Variants in ZFX observed in about 807,000 individuals in gnomAD.
The protein encoded by ZFX is zinc finger protein X-linked.
For synonymous variants in ZFX, 196 were observed against 226.8 expected, an observed-to-expected ratio of 0.86 and a Z score of 1.22; for missense variants, 362 against 628.3, an observed-to-expected ratio of 0.58 and a Z score of 4.53.
intron 5 of ZFX, among the ~76,000 whole-genome samples, chrX:24,199,912 C>T (rs1047581545): frequency 3.8e-5 from 4 of 104,994 alleles, no homozygotes; most frequent in Non-Finnish European, 7.8e-5. Flanking sequence ...AGCGAAACTC[C>T]GTCTCAAAAA....
chrX:24,179,894 ATTG>A (rs1323415750), intron 5 of ZFX, 124 bp downstream of exon 5: 1 of 645,374 alleles, frequency 1.5e-6, no homozygotes, highest in East Asian at 3.3e-5. Context: ...ACCTACCTGC[ATTG>A]TTGTTTCCAT....
At chrX:24,169,094 G>T (rs780479848) in intron 3 of ZFX, among the ~76,000 whole-genome samples, 1 of 111,560 alleles carries the variant, frequency 9.0e-6, no homozygotes, top group East Asian at 2.8e-4. Flanking sequence ...TCTAACTCCA[G>T]AGGGGTTACA....
intron 5 of ZFX, among the ~76,000 whole-genome samples, chrX:24,184,710 T>G (rs1935960252): frequency 9.0e-6 from 1 of 111,298 alleles, no homozygotes; most frequent in African/African-American, 3.3e-5. Context: ...AAATGGCTAT[T>G]AGTGTATTTT....
intron 4 of ZFX, chrX:24,177,879 T>A (rs1013395886): frequency 1.3e-6 from 1 of 743,450 alleles, no homozygotes; most frequent in East Asian, 1.5e-4. Context: ...AAAACACATA[T>A]AATGAAGGAA....
In ZFX at chrX:24,182,359, A is replaced by G. The variant is rs184280504; in HGVS notation, c.646+2589A>G. ...GTCTCCAGAGCATGCTTGTCGAGTG[A>G]GAGTGTCAAGTATGGCTCCTTTAGG... On this transcript the variant is annotated intron_variant, in intron 5 of 9. Transcript: ENST00000304543. Among the ~76,000 whole-genome samples, 4 of 111,740 alleles carry G rather than the reference A, an allele frequency of 3.6e-5. No homozygotes were observed. In the East Asian group the frequency reaches 1.1e-3, roughly 31 times the overall value.
intron 3 of ZFX, among the ~76,000 whole-genome samples, chrX:24,156,815 C>T (rs888570939): frequency 1.8e-5 from 2 of 110,119 alleles, no homozygotes; most frequent in African/African-American, 3.3e-5. Flanking sequence ...CAACCACGCC[C>T]GGCTAATTTT....
At chrX:24,173,687 G>T (rs1185888560) in intron 4 of ZFX, 1 of 647,703 alleles carries the variant, frequency 1.5e-6, no homozygotes, top group Non-Finnish European at 2.4e-6. Flanking sequence ...CCAGGCTCAA[G>T]TGATCTGCTC....
intron 5 of ZFX, among the ~76,000 whole-genome samples, chrX:24,198,071 GC>G (rs761139651): frequency 2.7e-5 from 3 of 112,174 alleles, no homozygotes; most frequent in Non-Finnish European, 5.6e-5. Flanking sequence ...TATAAAACTA[GC>G]TATAAAATAT....
At chrX:24,180,492 G>A (rs1015385582) in intron 5 of ZFX, among the ~76,000 whole-genome samples, 2 of 107,607 alleles carry the variant, frequency 1.9e-5, no homozygotes, top group African/African-American at 3.4e-5. Flanking sequence ...AGTGATTCTC[G>A]TGCCTCAGCC....
In ZFX at chrX:24,172,780, A is replaced by G; in HGVS notation, c.38A>G (p.Asn13Ser). 1 of 1,202,892 alleles carries G rather than the reference A, an allele frequency of 8.3e-7. No homozygotes were observed. Among genetic ancestry groups the G allele is most frequent in the Non-Finnish European group, 1.1e-6 (1 of 892,414 alleles). Residue 13 changes from asparagine (N) to serine (S), a missense_variant, in exon 4 of 10, where the codon AAC becomes AGC. By Grantham distance (46) the Asn-to-Ser change is conservative. Coordinates refer to ENST00000304543, the MANE Select transcript of ZFX (RefSeq NM_003410.4). ...EDGLELQQEP[N>S]SFFDATGADG... is the part of the protein sequence containing the mutation. ...GGGCTTGAATTACAACAAGAGCCAA[A>G]CTCATTTTTTGATGCAACAGGTATA... is the stretch of plus-strand genomic sequence containing the variant.
At chrX:24,154,156 AT>A (rs922190965) in intron 3 of ZFX, among the ~76,000 whole-genome samples, 2 of 112,526 alleles carry the variant, frequency 1.8e-5, no homozygotes, top group African/African-American at 6.4e-5. Flanking sequence ...TAAAAAATAT[AT>A]TTAAAAAGTT....
intron 5 of ZFX, among the ~76,000 whole-genome samples, chrX:24,202,912 A>G (rs1441336990): frequency 8.9e-6 from 1 of 112,139 alleles, no homozygotes; most frequent in East Asian, 2.8e-4. Context: ...TCAATGGGAA[A>G]GACGGGGAGA....
intron 1 of ZFX, chrX:24,150,167 T>G: frequency 1.4e-5 from 1 of 73,335 alleles, no homozygotes; most frequent in Non-Finnish European, 2.4e-5. Flanking sequence ...ATTTTCGCTA[T>G]GTAAATATCG....
intron 3 of ZFX, among the ~76,000 whole-genome samples, chrX:24,169,766 C>T (rs1934387272): frequency 9.1e-6 from 1 of 109,929 alleles, no homozygotes; most frequent in Non-Finnish European, 1.9e-5. Flanking sequence ...TTGTAGGAAT[C>T]ATTGTTGTGG....
chrX:24,165,414 C>T (rs905546915), intron 3 of ZFX, among the ~76,000 whole-genome samples: 5 of 112,459 alleles, frequency 4.4e-5, no homozygotes, highest in African/African-American at 1.3e-4. Flanking sequence ...CCACCACGCC[C>T]GGCCAGAAAG....
chrX:24,171,615 T>C (rs1307608704), intron 3 of ZFX, among the ~76,000 whole-genome samples: 3 of 111,056 alleles, frequency 2.7e-5, no homozygotes, highest in African/African-American at 9.8e-5. Context: ...GTAGTACTTA[T>C]AAAATCAGCA....
rs1935769693 is a variant in ZFX at position 24,182,519 on chromosome X, T to C, written c.646+2749T>C. 2.7e-5 allele frequency among the ~76,000 whole-genome samples: 3 copies of C among 111,768 alleles called. No individual in the cohort carries two copies. The South Asian group carries it at 1.1e-3, about 42-fold the overall frequency. ...ATCAGCCACTGAGGAGAAAGCAGGCTTTTTTGTTTGGCATTTAGGAGGTCA... is the reference window on the plus strand; with the variant it reads ...ATCAGCCACTGAGGAGAAAGCAGGCCTTTTTGTTTGGCATTTAGGAGGTCA... On this transcript the variant is annotated intron_variant, in intron 5 of 9. Transcript: ENST00000304543.
At chrX:24,190,605 T>C (rs1488777336) in intron 5 of ZFX, among the ~76,000 whole-genome samples, 1 of 112,237 alleles carries the variant, frequency 8.9e-6, no homozygotes, top group Non-Finnish European at 1.9e-5. Flanking sequence ...ATTTACTGTT[T>C]ATCTGCTGAA....
chrX:24,177,463 C>A (rs1307278396), intron 4 of ZFX, among the ~76,000 whole-genome samples: 1 of 110,458 alleles, frequency 9.1e-6, no homozygotes, highest in Non-Finnish European at 1.9e-5. Flanking sequence ...CTTGGGAGTT[C>A]GGGTCTAGGG....
Sources: allele counts gnomAD v4.1 joint callset (sites outside exome capture counted in the v4.1 genomes callset), GRCh38; gene constraint gnomAD v4.1.1; transcripts MANE v1.5; gene names NCBI Gene and HGNC (gene_info 2026-07-23, HGNC 2026-07-21).